The following AP3S1 variants were observed in gnomAD, a reference collection of about 807,000 sequenced individuals.
AP3S1 encodes the protein adaptor related protein complex 3 subunit sigma 1, also known as AP-3 complex subunit sigma-1.
AP3S1 carries 12 observed loss-of-function variants against 21.3 expected under a neutral mutation model. That is an observed-to-expected ratio of 0.56 (90% confidence interval 0.36 to 0.91). The LOEUF (loss-of-function observed/expected upper bound fraction) is 0.91, where lower values mean the gene tolerates loss of function less well. AP3S1 is among the 40% of genes least tolerant of loss of function. The pLI, the probability that AP3S1 is intolerant of heterozygous loss-of-function variation, is 0.01. For missense variants in AP3S1, 116 were observed against 225.0 expected (o/e 0.52, Z 3.10); for synonymous variants, 48 against 78.4 (o/e 0.61, Z 2.05).
chr5:115,897,736 A>G (rs920288246), intron 4 of AP3S1, among the ~76,000 whole-genome samples: 3 of 150,996 alleles, frequency 2.0e-5, no homozygotes, highest in Non-Finnish European at 3.0e-5. Flanking sequence ...ATTTTTTTGT[A>G]TTTTTTTAGT....
chr5:115,856,406 A>G (rs554847956), intron 1 of AP3S1, among the ~76,000 whole-genome samples: 9 of 150,996 alleles, frequency 6.0e-5, no homozygotes, highest in Admixed American at 2.0e-4. Flanking sequence ...AAAGGATCCA[A>G]TCAAGCTAGT....
intron 3 of AP3S1, among the ~76,000 whole-genome samples, chr5:115,880,825 G>T (rs188385701): frequency 7.8e-4 from 119 of 152,122 alleles, no homozygotes; most frequent in African/African-American, 2.7e-3. Flanking sequence ...CTATTATGTG[G>T]GAGTCTGAAT....
intron 3 of AP3S1, among the ~76,000 whole-genome samples, chr5:115,887,166 A>G (rs1053772778): frequency 3.9e-5 from 6 of 152,170 alleles, no homozygotes; most frequent in Admixed American, 3.9e-4. Flanking sequence ...TGTCTTCCCT[A>G]GCTCTGCTGG....
At chr5:115,859,828 C>T (rs1033505019) in intron 1 of AP3S1, among the ~76,000 whole-genome samples, 1 of 152,208 alleles carries the variant, frequency 6.6e-6, no homozygotes, top group African/African-American at 2.4e-5. Flanking sequence ...AGGCCTGCCT[C>T]TAGGTATTCT....
At chr5:115,856,069 A>G (rs977863993) in intron 1 of AP3S1, among the ~76,000 whole-genome samples, 1 of 152,194 alleles carries the variant, frequency 6.6e-6, no homozygotes, top group Non-Finnish European at 1.5e-5. Flanking sequence ...TTGTAACTGT[A>G]GTTGTCTTTA....
intron 2 of AP3S1, among the ~76,000 whole-genome samples, chr5:115,869,284 A>T (rs557331213): frequency 2.0e-5 from 3 of 152,192 alleles, no homozygotes; most frequent in Non-Finnish European, 4.4e-5. Flanking sequence ...ATTTTGGAAG[A>T]GATCTTGACG....
chr5:115,909,639 A>AC (rs1304910553), intron 5 of AP3S1, among the ~76,000 whole-genome samples: 1 of 152,160 alleles, frequency 6.6e-6, no homozygotes, highest in African/African-American at 2.4e-5. Context: ...ATAGATGGAA[A>AC]CAAGTTATTT....
intron 3 of AP3S1, among the ~76,000 whole-genome samples, chr5:115,886,664 C>T (rs544982646): frequency 3.9e-5 from 6 of 152,230 alleles, no homozygotes; most frequent in South Asian, 4.2e-4. Flanking sequence ...AAAAGTTGTA[C>T]GCAGATTTTC....
intron 3 of AP3S1, among the ~76,000 whole-genome samples, chr5:115,877,474 C>T (rs1187422790): frequency 1.3e-5 from 2 of 152,028 alleles, no homozygotes; most frequent in Non-Finnish European, 2.9e-5. Context: ...TTCCCGTGTT[C>T]GTTTGCTGAG....
chr5:115,876,875 GTATATGATGTCCAT>G (rs1357863513), intron 3 of AP3S1, among the ~76,000 whole-genome samples: 2 of 152,130 alleles, frequency 1.3e-5, no homozygotes, highest in African/African-American at 4.8e-5. Flanking sequence ...ATATCAGGAG[GTATATGATGTCCAT>G]TTGTTCCACT....
At chr5:115,861,912 G>C (rs1204502224) in intron 1 of AP3S1, among the ~76,000 whole-genome samples, 1 of 144,470 alleles carries the variant, frequency 6.9e-6, no homozygotes, top group East Asian at 2.0e-4. Context: ...TGTTGCCCAG[G>C]CTGATCTTGA....
intron 3 of AP3S1, among the ~76,000 whole-genome samples, chr5:115,889,195 A>C (rs1011247053): frequency 3.3e-5 from 5 of 152,118 alleles, no homozygotes; most frequent in African/African-American, 1.2e-4. Flanking sequence ...AAATACATGT[A>C]AGTGAAGGGG....
At chr5:115,882,995 C>T (rs996242925) in intron 3 of AP3S1, among the ~76,000 whole-genome samples, 2 of 152,204 alleles carry the variant, frequency 1.3e-5, no homozygotes, top group African/African-American at 4.8e-5. Flanking sequence ...GGTTTGTTTA[C>T]ACTGTGAGGG....
chr5:115,896,809 A>C (rs1163470651), intron 4 of AP3S1, among the ~76,000 whole-genome samples: 1 of 152,184 alleles, frequency 6.6e-6, no homozygotes, highest in Admixed American at 6.5e-5. Context: ...GTTTTGGTAC[A>C]TGATTAAAAT....
At chr5:115,883,381 G>A (rs1054000486) in intron 3 of AP3S1, among the ~76,000 whole-genome samples, 1 of 152,218 alleles carries the variant, frequency 6.6e-6, no homozygotes, top group African/African-American at 2.4e-5. Flanking sequence ...AAGACCATGG[G>A]AAAAGTGTAG....
At chr5:115,874,181 T>C (rs1748510068) in intron 3 of AP3S1, among the ~76,000 whole-genome samples, 1 of 152,090 alleles carries the variant, frequency 6.6e-6, no homozygotes, top group South Asian at 2.1e-4. Context: ...AAATTCCTTG[T>C]AAGTTTGGAA....
Position 115,875,122 on chromosome 5 carries a change from C to T in AP3S1, c.273+4994C>T, listed in dbSNP as rs149320876. Among the ~76,000 whole-genome samples, 593 of 152,192 alleles carry T rather than the reference C, an allele frequency of 3.9e-3. 1 individual carries two copies. Among genetic ancestry groups the T allele is most frequent in the African/African-American group, 0.014 (565 of 41,534 alleles). On this transcript the variant is annotated intron_variant, in intron 3 of 5. Transcript: ENST00000316788. ...CATATAAAATATTATTTTGTTAGTA[C>T]ACAAACTGAAGTAAATATGTTTTTT...
chr5:115,864,282 T>C (rs1043798869), intron 1 of AP3S1, among the ~76,000 whole-genome samples: 2 of 152,202 alleles, frequency 1.3e-5, no homozygotes, highest in Non-Finnish European at 2.9e-5. Context: ...AGCTAGGAAA[T>C]TCCTTGCTAG....
chr5:115,850,654 T>C (rs1392231958), intron 1 of AP3S1, among the ~76,000 whole-genome samples: 1 of 152,198 alleles, frequency 6.6e-6, no homozygotes, highest in Admixed American at 6.5e-5. Context: ...TTAGCACGTC[T>C]TCGAAGTTCA....
Sources: gnomAD v4.1 joint callset for allele counts (sites outside exome capture counted in the v4.1 genomes callset) on GRCh38, gnomAD v4.1.1 for gene constraint, MANE v1.5 for transcripts, NCBI Gene and HGNC (gene_info 2026-07-23, HGNC 2026-07-21) for gene names.